Variants in CTNNA2 observed in about 807,000 individuals in gnomAD.
CTNNA2 encodes catenin alpha 2.
Under a neutral mutation model 101.0 loss-of-function variants are expected in CTNNA2, and 42 were observed. The ratio of observed to expected loss-of-function variants is 0.42; its 90% CI spans 0.32 to 0.54. CTNNA2 has a LOEUF of 0.54. Ranked by LOEUF, CTNNA2 falls within the 20% of genes least tolerant of loss-of-function variation. The pLI, the probability that CTNNA2 is intolerant of heterozygous loss-of-function variation, is 0.14. For synonymous variants in CTNNA2, 450 were observed against 456.4 expected, an observed-to-expected ratio of 0.99 and a Z score of 0.18; for missense variants, 871 against 1,223.1, an observed-to-expected ratio of 0.71 and a Z score of 4.29.
intron 7 of CTNNA2, among the ~76,000 whole-genome samples, chr2:80,321,983 G>C (rs1678740006): frequency 1.3e-5 from 2 of 152,060 alleles, no homozygotes; most frequent in South Asian, 4.2e-4. Flanking sequence ...TTTCAGGGTA[G>C]AGTGGTTATT....
At chr2:79,642,642 G>A (rs1461068114) in intron 1 of CTNNA2, among the ~76,000 whole-genome samples, 1 of 152,192 alleles carries the variant, frequency 6.6e-6, no homozygotes, top group Admixed American at 6.5e-5. Context: ...GGTAGCACCA[G>A]GAAGAGTGAC....
At chr2:80,151,465 A>G (rs1703692913) in intron 7 of CTNNA2, among the ~76,000 whole-genome samples, 1 of 152,224 alleles carries the variant, frequency 6.6e-6, no homozygotes, top group African/African-American at 2.4e-5. Flanking sequence ...TGAAATATAC[A>G]GTAAGAGCCA....
chr2:80,591,533 A>G (rs766816059), intron 15 of CTNNA2, among the ~76,000 whole-genome samples: 2 of 138,284 alleles, frequency 1.4e-5, no homozygotes, highest in African/African-American at 5.5e-5. Flanking sequence ...TAAGTTCACT[A>G]TATTTGACCT....
At chr2:80,287,052 C>T (rs1674833019) in intron 7 of CTNNA2, among the ~76,000 whole-genome samples, 1 of 152,180 alleles carries the variant, frequency 6.6e-6, no homozygotes, top group Non-Finnish European at 1.5e-5. Context: ...ATGTCCTGAA[C>T]AGTCCAGAGT....
At chr2:79,772,731 A>G (rs1673681999) in intron 3 of CTNNA2, among the ~76,000 whole-genome samples, 1 of 151,992 alleles carries the variant, frequency 6.6e-6, no homozygotes, top group Admixed American at 6.6e-5. Context: ...TTACCTGGCT[A>G]TTTAAAAAAA....
chr2:80,313,291 A>C (rs1677777729), intron 7 of CTNNA2: 1 of 895,782 alleles, frequency 1.1e-6, no homozygotes, highest in African/African-American at 1.8e-5. Context: ...GAATCTTGAA[A>C]ATGCCTTTCT....
chr2:79,608,909 T>C (rs1193369384), intron 1 of CTNNA2, among the ~76,000 whole-genome samples: 1 of 151,960 alleles, frequency 6.6e-6, no homozygotes, highest in East Asian at 1.9e-4. Flanking sequence ...TTAGCCAGTA[T>C]AATTAGGGAG....
chr2:79,186,241 C>T (rs559180712), intron 1 of CTNNA2, among the ~76,000 whole-genome samples: 47 of 152,088 alleles, frequency 3.1e-4, no homozygotes, highest in Non-Finnish European at 3.7e-4. Flanking sequence ...ATCTAAATAC[C>T]AACATTTTGA....
At chr2:80,061,055 G>A (rs1697567561) in intron 7 of CTNNA2, among the ~76,000 whole-genome samples, 1 of 152,060 alleles carries the variant, frequency 6.6e-6, no homozygotes, top group South Asian at 2.1e-4. Context: ...AACCCTGCCT[G>A]TCTTGCTTCC....
intron 12 of CTNNA2, among the ~76,000 whole-genome samples, chr2:80,559,583 A>AT (rs1693362749): frequency 6.6e-6 from 1 of 152,180 alleles, no homozygotes; most frequent in Admixed American, 6.5e-5. Context: ...AATTTTGTAG[A>AT]TTATTAGTAT....
intron 4 of CTNNA2, among the ~76,000 whole-genome samples, chr2:79,378,800 C>G (rs1255840231): frequency 6.6e-6 from 1 of 152,102 alleles, no homozygotes; most frequent in Non-Finnish European, 1.5e-5. Flanking sequence ...TATTCTCTAT[C>G]AGGACCCTTT....
At chr2:79,587,968 C>T (rs1676603924) in intron 1 of CTNNA2, among the ~76,000 whole-genome samples, 1 of 151,944 alleles carries the variant, frequency 6.6e-6, no homozygotes, top group African/African-American at 2.4e-5. Context: ...TCTTGTGATT[C>T]CTAGATTCAT....
intron 7 of CTNNA2, among the ~76,000 whole-genome samples, chr2:80,365,346 C>A (rs1674818224): frequency 6.6e-6 from 1 of 152,108 alleles, no homozygotes. Context: ...GCTGACAGTG[C>A]AGCCCTGCAT....
intron 3 of CTNNA2, among the ~76,000 whole-genome samples, chr2:79,746,386 CAG>C (rs1671648492): frequency 6.6e-6 from 1 of 152,120 alleles, no homozygotes; most frequent in Non-Finnish European, 1.5e-5. Context: ...ACCTTTGACA[CAG>C]AGAATTTTTA....
rs541103153 is a variant in CTNNA2, at chr2:80,453,900, C to T, written c.1290+34299C>T. On this transcript the variant is annotated intron_variant, in intron 9 of 18. Transcript: ENST00000402739. ...ATACCCATTCTATGGGTACCATTAC[C>T]AGCTGTCCTAGCTGCTGTAGGAACT... Among the ~76,000 whole-genome samples, 3 of 152,198 alleles carry T rather than the reference C, an allele frequency of 2.0e-5. No homozygotes were observed. In the South Asian group the frequency reaches 6.2e-4, roughly 32 times the overall value.
chr2:80,541,447 C>A (rs559626324), intron 9 of CTNNA2, among the ~76,000 whole-genome samples: 7 of 152,260 alleles, frequency 4.6e-5, no homozygotes, highest in African/African-American at 1.2e-4. Context: ...TGGTTTCCCC[C>A]TACTAAGATT....
rs1418557802 is a variant in CTNNA2 at position 80,519,477 on chromosome 2, C to T, written c.1291-25505C>T. On this transcript the variant is annotated intron_variant, in intron 9 of 18. Transcript: ENST00000402739. ...TTCCATTTGGATGCTCTCTACACCC[C>T]CTTCTAGTTTTCACATCATGAGTCA... Among the ~76,000 whole-genome samples the T allele has an allele frequency of 2.6e-5, 4 of 152,310 alleles. No homozygotes were observed. The South Asian group carries it at 6.2e-4, about 24-fold the overall frequency.
intron 3 of CTNNA2, among the ~76,000 whole-genome samples, chr2:79,746,618 C>A (rs1211719826): frequency 6.6e-6 from 1 of 152,114 alleles, no homozygotes; most frequent in Non-Finnish European, 1.5e-5. Context: ...CTAGATCTTA[C>A]CTCCTATATA....
At chr2:80,289,946 AG>A (rs1207682331) in intron 7 of CTNNA2, among the ~76,000 whole-genome samples, 34 of 152,182 alleles carry the variant, frequency 2.2e-4, no homozygotes, top group African/African-American at 8.0e-4. Context: ...GAGAGTTTGA[AG>A]GATATGGGCC....
Sources: gnomAD v4.1 joint callset for allele counts (sites outside exome capture counted in the v4.1 genomes callset) on GRCh38, gnomAD v4.1.1 for gene constraint, MANE v1.5 for transcripts, NCBI Gene and HGNC (gene_info 2026-07-23, HGNC 2026-07-21) for gene names.